Variants in PTPN14 observed in about 807,000 individuals in gnomAD.
PTPN14 encodes tyrosine-protein phosphatase non-receptor type 14.
A neutral mutation model predicts 126.8 loss-of-function variants in PTPN14; 53 were observed. That is an observed-to-expected ratio of 0.42 (90% CI 0.34 to 0.53). The LOEUF (loss-of-function observed/expected upper bound fraction) is 0.53. PTPN14 is among the 20% of genes least tolerant of loss of function. The probability of loss-of-function intolerance (pLI) is 0.08; values close to 1 mark genes in which losing one functional copy is unlikely to be tolerated. For missense variants in PTPN14, 1,257 were observed against 1,552.9 expected, an observed-to-expected ratio of 0.81 and a Z score of 3.20; for synonymous variants, 630 against 599.3, an observed-to-expected ratio of 1.05 and a Z score of -0.75.
At chr1:214,481,260 A>G (rs1660978575) in intron 1 of PTPN14, among the ~76,000 whole-genome samples, 1 of 152,092 alleles carries the variant, frequency 6.6e-6, no homozygotes, top group Non-Finnish European at 1.5e-5. Context: ...AATCCCCAGC[A>G]CTTTGGGAGG....
intron 16 of PTPN14, 47 bp from the exon 17 acceptor site, chr1:214,369,738 C>T (rs1658169964): frequency 1.3e-6 from 2 of 1,521,748 alleles, no homozygotes; most frequent in African/African-American, 1.4e-5. Flanking sequence ...AAGGGAAGCT[C>T]TCATCCTTTT....
chr1:214,500,031 A>G (rs1264583223), intron 1 of PTPN14, among the ~76,000 whole-genome samples: 1 of 151,574 alleles, frequency 6.6e-6, no homozygotes, highest in Admixed American at 6.6e-5. Context: ...AAAATGTCAC[A>G]CATTGTCCGC....
At chr1:214,395,764 T>C (rs4129186) in intron 8 of PTPN14, among the ~76,000 whole-genome samples, 15,659 of 152,134 alleles carry the variant, frequency 0.1, 1,240 homozygotes, top group East Asian at 0.36. Flanking sequence ...TCTTTTACCC[T>C]TCACCTGGTG....
In PTPN14 at chr1:214,377,233, T is replaced by C. The variant is rs141426712; in HGVS notation, c.2688+726A>G. ...TCATGTCTTTTGCGGGAGACATGGATGGAGCTGGAGGCTATTATCCTTAGC... is the reference window on the plus strand; with the variant it reads ...TCATGTCTTTTGCGGGAGACATGGACGGAGCTGGAGGCTATTATCCTTAGC... On this transcript the variant is annotated intron_variant, in intron 14 of 18. Coordinates refer to ENST00000366956, the MANE Select transcript of PTPN14 (RefSeq NM_005401.5). Among the ~76,000 whole-genome samples the C allele has an allele frequency of 4.2e-3, 644 of 152,354 alleles. 5 individuals are homozygous for C. Among genetic ancestry groups the C allele is most frequent in the African/African-American group, 0.015 (630 of 41,578 alleles).
chr1:214,448,915 T>A (rs1660208519), intron 3 of PTPN14, among the ~76,000 whole-genome samples: 1 of 152,080 alleles, frequency 6.6e-6, no homozygotes, highest in Admixed American at 6.5e-5. Flanking sequence ...AGACCCTAAT[T>A]TTGTGCTCCA....
chr1:214,539,717 A>AGAG (rs1253691069), intron 1 of PTPN14, among the ~76,000 whole-genome samples: 1 of 152,062 alleles, frequency 6.6e-6, no homozygotes, highest in East Asian at 1.9e-4. Flanking sequence ...AGGAGGGAAG[A>AGAG]GAGGAGGAGG....
chr1:214,541,472 G>A (rs1459816074), intron 1 of PTPN14, among the ~76,000 whole-genome samples: 1 of 152,282 alleles, frequency 6.6e-6, no homozygotes, highest in East Asian at 1.9e-4. Flanking sequence ...CCCTGAGTAT[G>A]AGAGATTGAG....
intron 2 of PTPN14, among the ~76,000 whole-genome samples, chr1:214,456,097 A>G (rs1660375986): frequency 1.4e-5 from 2 of 145,264 alleles, no homozygotes; most frequent in South Asian, 2.2e-4. Context: ...TTGTTTTTCC[A>G]GTTTTGTGAC....
In PTPN14 at chr1:214,357,367, A is replaced by G. The variant is rs555042998; in HGVS notation, c.*555T>C. The G allele has an allele frequency of 5.9e-5, 9 of 152,172 alleles. No homozygotes were observed. In the East Asian group the frequency reaches 1.7e-3, roughly 29 times the overall value. The allele number at this position is 152,172 out of a possible 1,614,324, so 9.4% of individuals were successfully genotyped here. A position where few individuals can be genotyped will look rare whatever the true frequency, so the allele number is the denominator to read the frequency against. On this transcript the variant is annotated 3_prime_UTR_variant, in exon 19 of 19. Transcript: ENST00000366956. ...GGGGTGGAAATGAAGACGAGAGGAA[A>G]CTGTCTATCAAGGCTCATGAGCCCC...
intron 2 of PTPN14, 104 bp from the exon 3 acceptor site, chr1:214,452,078 C>T (rs1660284252): frequency 1.5e-6 from 2 of 1,300,154 alleles, no homozygotes; most frequent in African/African-American, 3.0e-5. Context: ...CTGGGTTCCC[C>T]AGCCCATATA....
At chr1:214,402,099 ATCT>A (rs900856210) in intron 6 of PTPN14, among the ~76,000 whole-genome samples, 7 of 151,820 alleles carry the variant, frequency 4.6e-5, no homozygotes, top group African/African-American at 1.7e-4. Context: ...TCTGGGAGAA[ATCT>A]TCATTATTAA....
chr1:214,374,583 A>T (rs1195821518), intron 15 of PTPN14, among the ~76,000 whole-genome samples: 2 of 152,234 alleles, frequency 1.3e-5, no homozygotes, highest in African/African-American at 4.8e-5. Flanking sequence ...GGAGCAAATA[A>T]ATCTCTGTTC....
chr1:214,502,058 CAA>C (rs60034306), intron 1 of PTPN14, among the ~76,000 whole-genome samples: 13,387 of 70,172 alleles, frequency 0.19, 484 homozygotes, highest in East Asian at 0.45. Flanking sequence ...GGCTCTGTCT[CAA>C]AAAAAAAAAA....
chr1:214,472,959 A>C (rs1323915612), intron 1 of PTPN14, among the ~76,000 whole-genome samples: 4 of 152,240 alleles, frequency 2.6e-5, no homozygotes, highest in Non-Finnish European at 4.4e-5. Context: ...TTTGCTCTGT[A>C]AACATCACAT....
chr1:214,413,665 A>C (rs1659359401), intron 4 of PTPN14, among the ~76,000 whole-genome samples: 1 of 152,170 alleles, frequency 6.6e-6, no homozygotes, highest in Non-Finnish European at 1.5e-5. Context: ...TTTTAAAAAA[A>C]TGTTTTTAAT....
chr1:214,450,947 C>T (rs117055618), intron 3 of PTPN14, among the ~76,000 whole-genome samples: 1 of 152,290 alleles, frequency 6.6e-6, no homozygotes, highest in East Asian at 1.9e-4. Context: ...ATACCTTGTT[C>T]TCCTCTTCTA....
chr1:214,464,505 C>G, intron 2 of PTPN14, 125 bp downstream of exon 2: 1 of 1,265,448 alleles, frequency 7.9e-7, no homozygotes, highest in East Asian at 2.6e-5. Flanking sequence ...ATAAACACAT[C>G]GTCGCTTAGG....
At chr1:214,379,293 T>A (rs1467836938) in intron 13 of PTPN14, among the ~76,000 whole-genome samples, 1 of 152,204 alleles carries the variant, frequency 6.6e-6, no homozygotes, top group Non-Finnish European at 1.5e-5. Context: ...TATTCTATGA[T>A]GTATAAATTC....
chr1:214,491,451 C>T (rs1373955342), intron 1 of PTPN14, among the ~76,000 whole-genome samples: 2 of 152,020 alleles, frequency 1.3e-5, no homozygotes, highest in East Asian at 1.9e-4. Context: ...GAGTGGGGAG[C>T]GATGGTTTTG....
Sources: gnomAD v4.1 joint callset for allele counts (sites outside exome capture counted in the v4.1 genomes callset) on GRCh38, gnomAD v4.1.1 for gene constraint, MANE v1.5 for transcripts, NCBI Gene and HGNC (gene_info 2026-07-23, HGNC 2026-07-21) for gene names.